The following MRPL37 variants were observed in gnomAD, a reference collection of about 807,000 sequenced individuals.
MRPL37 encodes large ribosomal subunit protein mL37.
A neutral mutation model predicts 44.1 loss-of-function variants in MRPL37; 34 were observed. That is an observed-to-expected ratio of 0.77 (90% CI 0.59 to 1.03). The LOEUF (loss-of-function observed/expected upper bound fraction) is 1.03, where lower values mean the gene tolerates loss of function less well. Ranked by LOEUF, MRPL37 falls within the 50% of genes least tolerant of loss-of-function variation. MRPL37 has a pLI of 0.00. For synonymous variants in MRPL37, 212 were observed against 219.5 expected, an observed-to-expected ratio of 0.97 and a Z score of 0.30; for missense variants, 532 against 543.7, an observed-to-expected ratio of 0.98 and a Z score of 0.21.
At chr1:54,212,384 C>A (rs890039010) in intron 4 of MRPL37, 117 bp from the exon 5 acceptor site, 7 of 1,277,276 alleles carry the variant, frequency 5.5e-6, no homozygotes, top group Non-Finnish European at 7.7e-6. Flanking sequence ...TAGTATCCAC[C>A]TTTGTTGAGT....
intron 5 of MRPL37, among the ~76,000 whole-genome samples, chr1:54,215,650 T>C (rs1644191939): frequency 6.6e-6 from 1 of 152,228 alleles, no homozygotes; most frequent in Non-Finnish European, 1.5e-5. Context: ...CCACCCATCT[T>C]CGTGACTTCC....
At chr1:54,211,742 C>T (rs1028313529) in intron 4 of MRPL37, among the ~76,000 whole-genome samples, 1 of 152,202 alleles carries the variant, frequency 6.6e-6, no homozygotes, top group Admixed American at 6.5e-5. Flanking sequence ...ATCTGCTTGC[C>T]TCAGCCTCCC....
In MRPL37 at chr1:54,200,650, C is replaced by T. The variant is rs556523888; in HGVS notation, c.346+61C>T. On this transcript the variant is annotated intron_variant, in intron 1 of 6. Coordinates refer to ENST00000360840, the MANE Select transcript of MRPL37 (RefSeq NM_016491.4). ...CCTCTAACCAGCACCGACCCCGACC[C>T]TCTGTGGCTTTGGGCAAGACATTGA... 7 of 1,502,614 alleles carry T rather than the reference C, an allele frequency of 4.7e-6. No individual in the cohort carries two copies. In the East Asian group the frequency reaches 1.6e-4, roughly 34 times the overall value. 93.1% of individuals were successfully genotyped at this position (1,502,614 alleles called of 1,614,324 possible). A position where few individuals can be genotyped will look rare whatever the true frequency, so the allele number is the denominator to read the frequency against.
chr1:54,209,082 T>C (rs540487219), intron 3 of MRPL37, among the ~76,000 whole-genome samples: 121 of 152,332 alleles, frequency 7.9e-4, no homozygotes, highest in Non-Finnish European at 1.3e-3. Flanking sequence ...AGAAGTTCAG[T>C]TTTCCCCACC....
downstream of MRPL37, among the ~76,000 whole-genome samples, chr1:54,221,603 C>T (rs375342348): frequency 1.3e-5 from 2 of 152,196 alleles, no homozygotes; most frequent in Non-Finnish European, 2.9e-5. Flanking sequence ...CTCTCACACA[C>T]GTGCACAGGC....
intron 1 of MRPL37, among the ~76,000 whole-genome samples, chr1:54,204,411 CA>C (rs1407144847): frequency 2.0e-5 from 3 of 151,336 alleles, no homozygotes; most frequent in Non-Finnish European, 4.4e-5. Context: ...AAAAAAAAGA[CA>C]AAACAGTTCT....
intron 3 of MRPL37, among the ~76,000 whole-genome samples, chr1:54,206,135 C>T (rs972576561): frequency 6.6e-6 from 1 of 151,820 alleles, no homozygotes; most frequent in Admixed American, 6.6e-5. Flanking sequence ...TTTTTTGAGA[C>T]GGAGTCTCGC....
At chr1:54,213,098 G>A (rs576827020) in intron 5 of MRPL37, among the ~76,000 whole-genome samples, 2 of 152,200 alleles carry the variant, frequency 1.3e-5, no homozygotes, top group Admixed American at 1.3e-4. Context: ...CAATAGAGAT[G>A]GCCAAGCCCT....
In MRPL37 at chr1:54,213,140, C is replaced by G. The variant is rs1314013297; in HGVS notation, c.990+482C>G. Among the ~76,000 whole-genome samples, 3 of 152,202 alleles carry G rather than the reference C, an allele frequency of 2.0e-5. No homozygotes were observed. In the East Asian group the frequency reaches 5.8e-4, roughly 29 times the overall value. The stretch of plus-strand genomic sequence containing the variant: ...CAACTCAGGATGGGTGCTGGGGACC[C>G]AAGATACTCGTTGGTGTTATCCCCT... On this transcript the variant is annotated intron_variant, in intron 5 of 6. Transcript: ENST00000360840.
At chr1:54,215,575 C>G (rs1375436322) in intron 5 of MRPL37, among the ~76,000 whole-genome samples, 1 of 152,150 alleles carries the variant, frequency 6.6e-6, no homozygotes, top group South Asian at 2.1e-4. Context: ...CTGCCAGGCC[C>G]TTAGAAGCAA....
Position 54,210,039 on chromosome 1 carries a change from C to T in MRPL37, c.740C>T (p.Ala247Val), listed in dbSNP as rs1246851315. Residue 247 changes from alanine (A) to valine (V), a missense_variant, in exon 4 of 7, where the codon GCT becomes GTT. Physicochemically the swap from Ala to Val is moderately conservative, Grantham distance 64. Coordinates refer to ENST00000360840, the MANE Select transcript of MRPL37 (RefSeq NM_016491.4). The stretch of plus-strand genomic sequence containing the variant: ...ATCGCCTCCAGAGAGGAGATTGAAG[C>T]TACTAAGAATCATGTTCTAGAGACC... ...PTIASREEIE[A>V]TKNHVLETFY... is the part of the protein sequence containing the mutation. 2 of 1,614,178 alleles carry T rather than the reference C, an allele frequency of 1.2e-6. No homozygotes were observed. Among genetic ancestry groups the T allele is most frequent in the Non-Finnish European group, 1.7e-6 (2 of 1,180,012 alleles).
downstream of MRPL37, among the ~76,000 whole-genome samples, chr1:54,224,367 G>T (rs191093730): frequency 3.9e-5 from 6 of 152,314 alleles, no homozygotes; most frequent in East Asian, 1.2e-3. Flanking sequence ...CTCCCCACGA[G>T]TAACATCACT....
chr1:54,216,056 G>C lies in MRPL37; in HGVS notation c.991-85G>C, dbSNP rs1180445686. 3 of 1,413,608 alleles carry C rather than the reference G, an allele frequency of 2.1e-6. No individual in the cohort carries two copies. The East Asian group carries it at 6.9e-5, about 32-fold the overall frequency. 87.6% of individuals were successfully genotyped at this position (1,413,608 alleles called of 1,614,324 possible). On this transcript the variant is annotated intron_variant, in intron 5 of 6. Transcript: ENST00000360840. ...GTGGACGTAGGTGGACGTTGTAAAGGGAAGAACTAGAAGCTGCCTGGGCCG... is the reference window on the plus strand; with the variant it reads ...GTGGACGTAGGTGGACGTTGTAAAGCGAAGAACTAGAAGCTGCCTGGGCCG...
At chr1:54,206,748 T>C (rs1458520305) in intron 3 of MRPL37, among the ~76,000 whole-genome samples, 1 of 151,812 alleles carries the variant, frequency 6.6e-6, no homozygotes, top group Non-Finnish European at 1.5e-5. Context: ...TTTCTTTTTT[T>C]TTTTTTTCCA....
chr1:54,200,461 C>T lies in MRPL37; in HGVS notation c.218C>T (p.Pro73Leu). 1.2e-6 allele frequency: 2 copies of T among 1,614,246 alleles called. No homozygotes were observed. The highest frequency in any genetic ancestry group is 1.7e-6 in the Non-Finnish European group (2 of 1,180,050). Residue 73 changes from proline to leucine, a missense_variant, in exon 1 of 7, where the codon CCG becomes CTG. Physicochemically the swap from Pro to Leu is moderately conservative, Grantham distance 98 (BLOSUM62 -3). Transcript: ENST00000360840. ...KMHFVPWLAR[P>L]IFPPWDRGYK... Reference sequence around the variant, plus strand: ...CACTTCGTGCCCTGGCTGGCGCGGCCGATCTTTCCGCCCTGGGACCGCGGC... The same window carrying T: ...CACTTCGTGCCCTGGCTGGCGCGGCTGATCTTTCCGCCCTGGGACCGCGGC...
downstream of MRPL37, among the ~76,000 whole-genome samples, chr1:54,224,884 T>C (rs923216802): frequency 6.6e-6 from 1 of 151,858 alleles, no homozygotes; most frequent in African/African-American, 2.4e-5. Flanking sequence ...AAAATTTAAG[T>C]AGACTGCACT....
At chr1:54,214,831 C>A (rs565086230) in intron 5 of MRPL37, among the ~76,000 whole-genome samples, 17 of 152,332 alleles carry the variant, frequency 1.1e-4, no homozygotes, top group Non-Finnish European at 1.3e-4. Flanking sequence ...TTTTATTGAT[C>A]TGTAGAGGGA....
chr1:54,214,586 A>G (rs1644185483), intron 5 of MRPL37, among the ~76,000 whole-genome samples: 1 of 152,204 alleles, frequency 6.6e-6, no homozygotes, highest in Non-Finnish European at 1.5e-5. Context: ...GGAGGCAGAG[A>G]TAGTCACAAC....
downstream of MRPL37, chr1:54,221,012 T>G (rs545703227): frequency 5.5e-6 from 2 of 365,290 alleles, no homozygotes; most frequent in East Asian, 1.5e-4. Flanking sequence ...TCCCCTCCTG[T>G]ATTCCAGCTG....
Sources: allele counts gnomAD v4.1 joint callset (sites outside exome capture counted in the v4.1 genomes callset), GRCh38; gene constraint gnomAD v4.1.1; transcripts MANE v1.5; gene names NCBI Gene and HGNC (gene_info 2026-07-23, HGNC 2026-07-21).